Variants in POU3F3 observed in about 807,000 individuals in gnomAD.
POU3F3 encodes the protein POU class 3 homeobox 3.
In POU3F3, 1 loss-of-function variant was observed where a neutral mutation model predicts 8.6. The ratio of observed to expected loss-of-function variants is 0.12; its 90% CI spans 0.04 to 0.55. The LOEUF is 0.55. Among genes scored for constraint, POU3F3 ranks in the 20% least tolerant of loss-of-function variants. POU3F3 has a pLI of 0.91. For synonymous variants in POU3F3, 418 were observed against 327.4 expected (o/e 1.28, Z -2.99); for missense variants, 577 against 690.7 (o/e 0.84, Z 1.84).
At position 104,856,359 on chromosome 2, in the gene POU3F3, G is replaced by C; in HGVS notation, c.849G>C (p.Pro283=). 1 of 1,525,694 alleles carries C rather than the reference G, an allele frequency of 6.6e-7. No individual in the cohort carries two copies. The highest frequency in any genetic ancestry group is 2.1e-4 in the Middle Eastern group (1 of 4,776). The allele number at this position is 1,525,694 out of a possible 1,614,324, so 94.5% of individuals were successfully genotyped here. The part of the protein sequence containing the change: ...HHHHHAHPHP[P]HPHHAQGPPH... ...ACCACCACGCGCATCCTCACCCGCC[G>C]CACCCGCACCACGCGCAGGGACCCC... The change falls in exon 1 of 1, where the codon CCG becomes CCC. Residue 283 remains proline, a synonymous_variant. Coordinates refer to ENST00000361360, the MANE Select transcript of POU3F3 (RefSeq NM_006236.3).
chr2:104,877,096 C>A, the POU3F3 span, among the ~76,000 whole-genome samples: 1 of 151,982 alleles, frequency 6.6e-6, no homozygotes, highest in Non-Finnish European at 1.5e-5. Flanking sequence ...CTTGTTAAAG[C>A]TACTTCCACA....
the POU3F3 span, among the ~76,000 whole-genome samples, chr2:104,924,912 C>T: frequency 6.6e-6 from 1 of 152,122 alleles, no homozygotes; most frequent in Admixed American, 6.5e-5. Flanking sequence ...GAAAATGGCC[C>T]TGTGTATCTA....
chr2:104,900,906 A>T, the POU3F3 span, among the ~76,000 whole-genome samples: 2 of 152,194 alleles, frequency 1.3e-5, no homozygotes, highest in Non-Finnish European at 2.9e-5. Context: ...AAATTACATG[A>T]TTATTAAAAT....
At chr2:104,916,542 G>T in the POU3F3 span, among the ~76,000 whole-genome samples, 1 of 152,070 alleles carries the variant, frequency 6.6e-6, no homozygotes, top group Non-Finnish European at 1.5e-5. Context: ...CACCTCTGTG[G>T]GCCTCTTTCC....
At chr2:104,924,971 G>C in the POU3F3 span, among the ~76,000 whole-genome samples, 2 of 152,174 alleles carry the variant, frequency 1.3e-5, no homozygotes, top group Non-Finnish European at 2.9e-5. Context: ...TATAGACATG[G>C]CAATTTTTAT....
the POU3F3 span, among the ~76,000 whole-genome samples, chr2:104,912,461 C>T: frequency 3.3e-5 from 5 of 152,178 alleles, no homozygotes; most frequent in Admixed American, 1.3e-4. Flanking sequence ...GTGGGGGGCC[C>T]CCACAGGAGT....
At chr2:104,894,060 G>T in the POU3F3 span, among the ~76,000 whole-genome samples, 1 of 152,154 alleles carries the variant, frequency 6.6e-6, no homozygotes, top group African/African-American at 2.4e-5. Context: ...TCTGGCTGTT[G>T]CGGTTAAGAT....
the POU3F3 span, among the ~76,000 whole-genome samples, chr2:104,897,243 C>T: frequency 6.6e-6 from 1 of 152,166 alleles, no homozygotes; most frequent in African/African-American, 2.4e-5. Context: ...GATCACACAG[C>T]TACTAAGAGT....
At chr2:104,898,719 C>T in the POU3F3 span, among the ~76,000 whole-genome samples, 3 of 152,128 alleles carry the variant, frequency 2.0e-5, no homozygotes, top group African/African-American at 7.2e-5. Flanking sequence ...TGAATATTTT[C>T]CTTAGATGCT....
the POU3F3 span, among the ~76,000 whole-genome samples, chr2:104,898,384 G>C: frequency 6.6e-6 from 1 of 152,244 alleles, no homozygotes; most frequent in African/African-American, 2.4e-5. Context: ...GGATATTATT[G>C]TTTAGATTAG....
At position 104,856,225 on chromosome 2, in the gene POU3F3, G is replaced by A; in HGVS notation, c.715G>A (p.Gly239Arg). ...TVNGMLSAPPGPGGGGGGAGG... is the reference protein window; with the variant it reads ...TVNGMLSAPPRPGGGGGGAGG... ...GAACGGCATGCTGAGCGCGCCACCG[G>A]GGCCCGGCGGCGGCGGCGGCGGCGC... Residue 239 changes from glycine (G) to arginine (R), a missense_variant, in exon 1 of 1, where the codon GGG becomes AGG. Physicochemically the swap from Gly to Arg is moderately radical, Grantham distance 125. Around this residue, in one of 7 missense-constraint regions of POU3F3, gnomAD observed 484 missense variants for 422.6 expected, o/e 1.15. Coordinates refer to ENST00000361360, the MANE Select transcript of POU3F3 (RefSeq NM_006236.3). 1 of 1,271,528 alleles carries A rather than the reference G, an allele frequency of 7.9e-7. No homozygotes were observed. Among genetic ancestry groups the A allele is most frequent in the Non-Finnish European group, 9.8e-7 (1 of 1,017,418 alleles). 78.8% of individuals were successfully genotyped at this position (1,271,528 alleles called of 1,614,324 possible). A position where few individuals can be genotyped will look rare whatever the true frequency, so the allele number is the denominator to read the frequency against.
chr2:104,892,371 C>G, the POU3F3 span, among the ~76,000 whole-genome samples: 1 of 152,274 alleles, frequency 6.6e-6, no homozygotes, highest in East Asian at 1.9e-4. Context: ...GAATCTGCAG[C>G]TTTCAAGCAA....
chr2:104,884,802 G>A, the POU3F3 span, among the ~76,000 whole-genome samples: 158 of 152,190 alleles, frequency 1.0e-3, 2 homozygotes, highest in African/African-American at 3.7e-3. Context: ...CTTAGTGATC[G>A]TCTTATTGGG....
the POU3F3 span, among the ~76,000 whole-genome samples, chr2:104,921,438 A>G: frequency 6.6e-6 from 1 of 152,116 alleles, no homozygotes; most frequent in Non-Finnish European, 1.5e-5. Flanking sequence ...TTCCTGGGGG[A>G]AAGCTTGGAC....
At chr2:104,923,681 T>A in the POU3F3 span, among the ~76,000 whole-genome samples, 1 of 152,188 alleles carries the variant, frequency 6.6e-6, no homozygotes. Context: ...TTTCTCCTCA[T>A]CAATAATTAT....
At chr2:104,892,717 G>GGA in the POU3F3 span, among the ~76,000 whole-genome samples, 23 of 149,614 alleles carry the variant, frequency 1.5e-4, no homozygotes, top group South Asian at 2.1e-3. Flanking sequence ...ACACACATAT[G>GGA]GAGAGAGAGA....
chr2:104,861,723 T>C (rs1676658878), downstream of POU3F3, among the ~76,000 whole-genome samples: 1 of 152,224 alleles, frequency 6.6e-6, no homozygotes, highest in African/African-American at 2.4e-5. Flanking sequence ...GTTGTCGTTG[T>C]TGTTGCTGCT....
chr2:104,879,610 T>A, the POU3F3 span, among the ~76,000 whole-genome samples: 1 of 152,128 alleles, frequency 6.6e-6, no homozygotes, highest in African/African-American at 2.4e-5. Flanking sequence ...GTGAGCAGAA[T>A]GGGGTGGCCC....
chr2:104,903,759 T>A, the POU3F3 span, among the ~76,000 whole-genome samples: 1 of 152,174 alleles, frequency 6.6e-6, no homozygotes, highest in East Asian at 1.9e-4. Flanking sequence ...CTATAACCTT[T>A]CTGTTAGAAA....
Sources: gnomAD v4.1 joint callset for allele counts (sites outside exome capture counted in the v4.1 genomes callset) on GRCh38, gnomAD v4.1.1 for gene constraint, gnomAD v4.1.1 regional missense constraint, MANE v1.5 for transcripts, NCBI Gene and HGNC (gene_info 2026-07-23, HGNC 2026-07-21) for gene names.